Variants in MICAL2 observed in about 807,000 individuals in gnomAD.
MICAL2 encodes the protein microtubule associated monooxygenase, calponin and LIM domain containing 2.
MICAL2 carries 77 observed loss-of-function variants against 127.3 expected under a neutral mutation model. That is an observed-to-expected ratio of 0.60 (90% CI 0.50 to 0.73). The LOEUF is 0.73. MICAL2 is among the 30% of genes least tolerant of loss of function. The pLI is 0.00. For missense variants in MICAL2, 1,351 were observed against 1,434.4 expected, an observed-to-expected ratio of 0.94 and a Z score of 0.94; for synonymous variants, 570 against 551.1, an observed-to-expected ratio of 1.03 and a Z score of -0.48.
At chr11:12,118,846 A>G (rs1472395154) in intron 1 of MICAL2, among the ~76,000 whole-genome samples, 1 of 152,112 alleles carries the variant, frequency 6.6e-6, no homozygotes, top group African/African-American at 2.4e-5. Context: ...TGCACTCCAA[A>G]ATGTCAGGGT....
chr11:12,200,881 G>A (rs1860628520), intron 3 of MICAL2, among the ~76,000 whole-genome samples: 1 of 152,202 alleles, frequency 6.6e-6, no homozygotes, highest in Non-Finnish European at 1.5e-5. Context: ...TGGACAGAAG[G>A]ATGCAGGGGG....
At chr11:12,232,389 T>C (rs1858408911) in intron 15 of MICAL2, among the ~76,000 whole-genome samples, 1 of 152,124 alleles carries the variant, frequency 6.6e-6, no homozygotes. Flanking sequence ...GTCATGTAGG[T>C]GGTAAATGTC....
rs957419368 is a variant in MICAL2 at position 12,244,042 on chromosome 11, G to T, written c.2714G>T (p.Arg905Leu). ...SHTHPPSPPS[R>L]LPSPDPAASS... The stretch of plus-strand genomic sequence containing the variant: ...ACTCATCCTCCATCTCCTCCCTCTC[G>T]CCTTCCGTCTCCTGATCCAGCTGCT... The change falls in exon 21 of 28, where the codon CGC (arginine) becomes CTC (leucine). Residue 905 changes from arginine (R) to leucine (L), a missense_variant. This residue lies in a region of MICAL2 where 752 missense variants were observed against 719.4 expected (regional missense o/e 1.05). Transcript: ENST00000683283. 7 of 1,613,834 alleles carry T rather than the reference G, an allele frequency of 4.3e-6. No individual in the cohort carries two copies. In the East Asian group the frequency reaches 1.3e-4, roughly 31 times the overall value.
At chr11:12,312,902 C>A (rs1169167890) in intron 29 of MICAL2, among the ~76,000 whole-genome samples, 1 of 152,088 alleles carries the variant, frequency 6.6e-6, no homozygotes, top group African/African-American at 2.4e-5. Context: ...CGCTGTGGCT[C>A]ACGCCTGTAA....
chr11:12,118,888 AT>A (rs935319738), intron 1 of MICAL2, among the ~76,000 whole-genome samples: 2 of 152,128 alleles, frequency 1.3e-5, no homozygotes, highest in Admixed American at 1.3e-4. Context: ...GTTTTTTCAC[AT>A]TTAACGAGTG....
intron 2 of MICAL2, among the ~76,000 whole-genome samples, chr11:12,138,765 C>T (rs1040599597): frequency 1.3e-5 from 2 of 152,204 alleles, no homozygotes; most frequent in African/African-American, 2.4e-5. Context: ...TCCCGGCAGG[C>T]ACAGTACAAG....
chr11:12,259,321 C>A (rs1862774246), intron 25 of MICAL2, among the ~76,000 whole-genome samples: 1 of 152,208 alleles, frequency 6.6e-6, no homozygotes, highest in South Asian at 2.1e-4. Flanking sequence ...TCTTCACTAA[C>A]TGTATATCAA....
intron 2 of MICAL2, among the ~76,000 whole-genome samples, chr11:12,152,206 G>T (rs1853655172): frequency 7.2e-6 from 1 of 139,010 alleles, no homozygotes; most frequent in African/African-American, 2.7e-5. Context: ...GCTGAGGCAG[G>T]AGAATCGCTT....
downstream of MICAL2, among the ~76,000 whole-genome samples, chr11:12,360,767 C>T (rs1201218848): frequency 1.3e-5 from 2 of 152,218 alleles, no homozygotes; most frequent in Non-Finnish European, 2.9e-5. Context: ...CTTGCTTTCA[C>T]AGGCTGTGCT....
chr11:12,146,657 G>T (rs1028304457), intron 2 of MICAL2, among the ~76,000 whole-genome samples: 16 of 152,132 alleles, frequency 1.1e-4, no homozygotes, highest in African/African-American at 2.4e-4. Context: ...AGTGTGGCGA[G>T]TCCTCAAGGA....
intron 26 of MICAL2, chr11:12,260,398 T>A (rs1301111364): frequency 7.9e-7 from 1 of 1,259,968 alleles, no homozygotes; most frequent in Non-Finnish European, 1.0e-6. Flanking sequence ...TATAGCTTTG[T>A]GAGCCATACT....
intron 3 of MICAL2, among the ~76,000 whole-genome samples, chr11:12,168,932 G>A (rs898434510): frequency 9.0e-6 from 1 of 111,330 alleles, no homozygotes; most frequent in South Asian, 3.0e-4. Context: ...GGGCAACAGA[G>A]CAAGATCCTG....
chr11:12,266,856 G>A (rs1863614467), downstream of MICAL2, among the ~76,000 whole-genome samples: 1 of 152,208 alleles, frequency 6.6e-6, no homozygotes, highest in South Asian at 2.1e-4. Context: ...CTCTAGTGTA[G>A]GGTTTTTCAA....
At chr11:12,170,260 G>A (rs951041318) in intron 3 of MICAL2, among the ~76,000 whole-genome samples, 6 of 152,018 alleles carry the variant, frequency 3.9e-5, no homozygotes, top group Non-Finnish European at 8.8e-5. Context: ...GACCAGCCCG[G>A]GCAATATGGC....
At chr11:12,195,757 A>G (rs1372213110) in intron 3 of MICAL2, among the ~76,000 whole-genome samples, 2 of 151,548 alleles carry the variant, frequency 1.3e-5, no homozygotes, top group Admixed American at 6.6e-5. Context: ...TTTTAGAGGA[A>G]GAGTGTTCTA....
downstream of MICAL2, among the ~76,000 whole-genome samples, chr11:12,292,567 A>G (rs140892857): frequency 2.6e-5 from 4 of 152,312 alleles, no homozygotes; most frequent in East Asian, 7.7e-4. Context: ...CCAGGTCTCC[A>G]TGAGATACAG....
intron 29 of MICAL2, among the ~76,000 whole-genome samples, chr11:12,313,983 T>G (rs12283948): frequency 0.096 from 12,230 of 127,416 alleles, 508 homozygotes; most frequent in South Asian, 0.18. Flanking sequence ...TTTTTTTTTT[T>G]GATAGCTATA....
At chr11:12,322,875 T>C (rs1864314825) in intron 30 of MICAL2, among the ~76,000 whole-genome samples, 1 of 152,226 alleles carries the variant, frequency 6.6e-6, no homozygotes, top group South Asian at 2.1e-4. Flanking sequence ...TTTTCAGGTA[T>C]TCTACAAAAG....
At chr11:12,175,442 C>T (rs1856728924) in intron 3 of MICAL2, among the ~76,000 whole-genome samples, 1 of 151,462 alleles carries the variant, frequency 6.6e-6, no homozygotes, top group Non-Finnish European at 1.5e-5. Flanking sequence ...CGCCACTCCA[C>T]TCCAGCCCGG....
Sources: allele counts gnomAD v4.1 joint callset (sites outside exome capture counted in the v4.1 genomes callset), GRCh38; gene constraint gnomAD v4.1.1; regional missense constraint gnomAD v4.1.1; transcripts MANE v1.5; gene names NCBI Gene and HGNC (gene_info 2026-07-23, HGNC 2026-07-21).